Variants in MATR3 observed in about 807,000 individuals in gnomAD.
The protein encoded by MATR3 is matrin 3, also known as matrin-3.
Under a neutral mutation model 85.5 loss-of-function variants are expected in MATR3, and 4 were observed. That is an observed-to-expected ratio of 0.05 (90% confidence interval 0.02 to 0.11). The LOEUF is 0.11. Among genes scored for constraint, MATR3 ranks in the 10% least tolerant of loss-of-function variants. The pLI, the probability that MATR3 is intolerant of heterozygous loss-of-function variation, is 1.00. For missense variants in MATR3, 685 were observed against 1,016.1 expected, an observed-to-expected ratio of 0.67 and a Z score of 4.43; for synonymous variants, 336 against 343.1, an observed-to-expected ratio of 0.98 and a Z score of 0.23.
chr5:139,308,228 C>A lies in MATR3; in HGVS notation c.813C>A (p.Gly271=). The A allele has an allele frequency of 6.2e-7, 1 of 1,613,974 alleles. No homozygotes were observed. The highest frequency in any genetic ancestry group is 8.5e-7 in the Non-Finnish European group (1 of 1,179,968). The change falls in exon 2 of 15, where the codon GGC becomes GGA. Residue 271 remains glycine (G), a synonymous_variant. Coordinates refer to ENST00000394805, the MANE Select transcript of MATR3 (RefSeq NM_018834.6). ...GATCTCTCTTTGAGAAAAAGAGAGGCGCTCCTCCAAGTAGCAATATTGAAG... is the reference window on the plus strand; with the variant it reads ...GATCTCTCTTTGAGAAAAAGAGAGGAGCTCCTCCAAGTAGCAATATTGAAG... ...QERSLFEKKR[G]APPSSNIEDF...
chr5:139,310,442 C>T (rs534237011), intron 2 of MATR3: 10 of 152,190 alleles, frequency 6.6e-5, no homozygotes, highest in African/African-American at 2.2e-4. Context: ...ATGTTTTTTA[C>T]GTATATGCAT....
chr5:139,276,372 G>A (rs1419754291), intron 2 of MATR3: 2 of 372,628 alleles, frequency 5.4e-6, no homozygotes, highest in Non-Finnish European at 1.1e-5. Context: ...GGGCCACATT[G>A]GAAGGATAAG....
At chr5:139,297,580 A>G (rs1242761072) in intron 1 of MATR3, among the ~76,000 whole-genome samples, 1 of 152,232 alleles carries the variant, frequency 6.6e-6, no homozygotes, top group Non-Finnish European at 1.5e-5. Flanking sequence ...TCCTATTTGT[A>G]ATACAGTAAA....
At chr5:139,303,615 T>G (rs1226802064) in intron 1 of MATR3, among the ~76,000 whole-genome samples, 2 of 152,082 alleles carry the variant, frequency 1.3e-5, no homozygotes, top group Non-Finnish European at 2.9e-5. Flanking sequence ...GTGTCTGTAG[T>G]CCCGGCTACT....
At chr5:139,285,505 A>G (rs963592171) in intron 3 of MATR3, among the ~76,000 whole-genome samples, 9 of 152,130 alleles carry the variant, frequency 5.9e-5, no homozygotes, top group Non-Finnish European at 1.3e-4. Flanking sequence ...CATTTTTAAA[A>G]TTTTTATTTG....
At chr5:139,303,379 C>A (rs552933416) in intron 1 of MATR3, among the ~76,000 whole-genome samples, 1 of 152,140 alleles carries the variant, frequency 6.6e-6, no homozygotes, top group Non-Finnish European at 1.5e-5. Context: ...GGATTACAGG[C>A]GTGAGCCACT....
intron 2 of MATR3, chr5:139,278,413 A>G (rs1039828197): frequency 6.6e-6 from 3 of 452,482 alleles, no homozygotes; most frequent in Non-Finnish European, 1.3e-5. Context: ...TTTCAGGTAA[A>G]TATCCCTATT....
rs759337639 is a variant in MATR3 at position 139,325,547 on chromosome 5, T to G, written c.2256T>G (p.Asp752Glu). The G allele has an allele frequency of 1.7e-5, 28 of 1,614,210 alleles. No individual in the cohort carries two copies. Among genetic ancestry groups the G allele is most frequent in the Non-Finnish European group, 2.4e-5 (28 of 1,180,026 alleles). ...GTGCTGAATCTTCTGAGAACGCTGATGATCCCAACAAAGATACAAGTGAAA... is the reference window on the plus strand; with the variant it reads ...GTGCTGAATCTTCTGAGAACGCTGAGGATCCCAACAAAGATACAAGTGAAA... ...EPGAESSENA[D>E]DPNKDTSENA... The change falls in exon 13 of 15, where the codon GAT (aspartate) becomes GAG (glutamate). Residue 752 changes from aspartate (D) to glutamate (E), a missense_variant. Physicochemically the swap from Asp to Glu is conservative, Grantham distance 45. This residue lies in a region of MATR3 where 215 missense variants were observed against 194.7 expected (regional missense o/e 1.10). Coordinates refer to ENST00000394805, the MANE Select transcript of MATR3 (RefSeq NM_018834.6).
chr5:139,320,897 G>A (rs892850539), intron 9 of MATR3, among the ~76,000 whole-genome samples: 11 of 147,536 alleles, frequency 7.5e-5, no homozygotes, highest in Admixed American at 6.8e-4. Context: ...ACAGGCACCC[G>A]CCACCACGCC....
chr5:139,306,450 C>G (rs959440323), intron 1 of MATR3, among the ~76,000 whole-genome samples: 23 of 152,232 alleles, frequency 1.5e-4, no homozygotes, highest in African/African-American at 5.3e-4. Flanking sequence ...GAGTTCCCTT[C>G]TTTAAATCAC....
chr5:139,275,540 C>T (rs1319548865), intron 1 of MATR3, among the ~76,000 whole-genome samples: 1 of 152,122 alleles, frequency 6.6e-6, no homozygotes. Context: ...GAATGTAGCT[C>T]CTCAGGTGTT....
At chr5:139,326,731 T>A (rs1755871420) in intron 14 of MATR3, among the ~76,000 whole-genome samples, 1 of 152,194 alleles carries the variant, frequency 6.6e-6, no homozygotes, top group African/African-American at 2.4e-5. Context: ...GGCCTTTTCT[T>A]TCTTTATTGA....
In MATR3 at chr5:139,330,482, G is replaced by A. The variant is rs116660718; in HGVS notation, c.*1087G>A. The A allele has an allele frequency of 3.3e-5, 15 of 454,110 alleles. No homozygotes were observed. Among genetic ancestry groups the A allele is most frequent in the Non-Finnish European group, 6.6e-5 (15 of 226,782 alleles). The allele number at this position is 454,110 out of a possible 1,614,324, so 28.1% of individuals were successfully genotyped here. A position where few individuals can be genotyped will look rare whatever the true frequency, so the allele number is the denominator to read the frequency against. ...TGGTTTTTATTCGCTCTTAAACTTT[G>A]TGCATGCTTTAACAATTTATTACTT... On this transcript the variant is annotated 3_prime_UTR_variant, in exon 15 of 15. Coordinates refer to ENST00000394805, the MANE Select transcript of MATR3 (RefSeq NM_018834.6).
At chr5:139,317,206 A>T in intron 6 of MATR3, 101 bp downstream of exon 6, 1 of 1,124,204 alleles carries the variant, frequency 8.9e-7, no homozygotes, top group East Asian at 2.5e-5. Context: ...TCCTTATGGG[A>T]ACATTGCTGT....
chr5:139,276,018 GT>G, intron 1 of MATR3: 1 of 456,672 alleles, frequency 2.2e-6, no homozygotes, highest in Admixed American at 2.3e-5. Context: ...GTCTGCTATT[GT>G]TTCTGTGGCT....
chr5:139,310,280 G>A (rs190184432), intron 2 of MATR3: 228 of 152,282 alleles, frequency 1.5e-3, no homozygotes, highest in African/African-American at 5.1e-3. Context: ...GTCCTAGCTA[G>A]TTTTGGTATT....
intron 3 of MATR3, among the ~76,000 whole-genome samples, chr5:139,281,207 A>G (rs985781958): frequency 6.6e-6 from 1 of 151,520 alleles, no homozygotes; most frequent in African/African-American, 2.4e-5. Flanking sequence ...TTTAGAGACA[A>G]GGTCTCACTC....
At chr5:139,328,191 A>C (rs1755957561) in intron 14 of MATR3, among the ~76,000 whole-genome samples, 1 of 152,088 alleles carries the variant, frequency 6.6e-6, no homozygotes, top group African/African-American at 2.4e-5. Context: ...AAAAAAAAAA[A>C]AAACTTTGTC....
rs1756117419 is a variant in MATR3 at position 139,331,000 on chromosome 5, A to G, written c.*1605A>G. On this transcript the variant is annotated 3_prime_UTR_variant, in exon 15 of 15. Transcript: ENST00000394805. ...TAGATGGGGCTTTGCCATGTTGCCCAGGTTGATCTTGAATTCCTGGGCCCA... is the reference window on the plus strand; with the variant it reads ...TAGATGGGGCTTTGCCATGTTGCCCGGGTTGATCTTGAATTCCTGGGCCCA... 2.2e-6 allele frequency: 1 copy of G among 454,084 alleles called. No individual in the cohort carries two copies. Among genetic ancestry groups the G allele is most frequent in the Non-Finnish European group, 4.4e-6 (1 of 226,790 alleles). The allele number at this position is 454,084 out of a possible 1,614,324, so 28.1% of individuals were successfully genotyped here. A position where few individuals can be genotyped will look rare whatever the true frequency, so the allele number is the denominator to read the frequency against.
Sources: gnomAD v4.1 joint callset for allele counts (sites outside exome capture counted in the v4.1 genomes callset) on GRCh38, gnomAD v4.1.1 for gene constraint, gnomAD v4.1.1 regional missense constraint, MANE v1.5 for transcripts, NCBI Gene and HGNC (gene_info 2026-07-23, HGNC 2026-07-21) for gene names.